NLRP9: variants seen among roughly 807,000 people sequenced by gnomAD.
NLRP9 encodes NACHT, LRR and PYD domains-containing protein 9.
A neutral mutation model predicts 83.1 loss-of-function variants in NLRP9; 88 were observed. The observed-to-expected ratio is 1.06, with a 90% CI of 0.89 to 1.26. NLRP9 has a LOEUF of 1.26. Among genes scored for constraint, NLRP9 ranks in the 50% most tolerant of loss-of-function variants. The probability of loss-of-function intolerance (pLI) is 0.00; values close to 1 mark genes in which losing one functional copy is unlikely to be tolerated. For synonymous variants in NLRP9, 521 were observed against 447.6 expected, an observed-to-expected ratio of 1.16 and a Z score of -2.07; for missense variants, 1,308 against 1,179.3, an observed-to-expected ratio of 1.11 and a Z score of -1.60.
chr19:55,719,395 T>C (rs1443967145), intron 4 of NLRP9, among the ~76,000 whole-genome samples: 1 of 152,150 alleles, frequency 6.6e-6, no homozygotes. Flanking sequence ...TCAAGTGATC[T>C]GCCCGCCTCG....
At position 55,732,946 on chromosome 19, in the gene NLRP9, G is replaced by C. The variant is rs1280558150; in HGVS notation, c.885C>G (p.Leu295=). The C allele has an allele frequency of 6.2e-7, 1 of 1,614,144 alleles. No homozygotes were observed. Among genetic ancestry groups the C allele is most frequent in the Non-Finnish European group, 8.5e-7 (1 of 1,179,992 alleles). Residue 295 remains leucine (L), a synonymous_variant, in exon 2 of 9, where the codon CTC becomes CTG. Transcript: ENST00000332836. ...FMLRHPKLIK[L]LGFSESEKKS... ...TCTTTTCAGATTCACTGAATCCTAAGAGCTTTATGAGTTTTGGATGCCGCA... is the reference window on the plus strand; with the variant it reads ...TCTTTTCAGATTCACTGAATCCTAACAGCTTTATGAGTTTTGGATGCCGCA...
chr19:55,734,801 AT>A (rs1988742689), intron 1 of NLRP9, among the ~76,000 whole-genome samples: 1 of 151,476 alleles, frequency 6.6e-6, no homozygotes, highest in Non-Finnish European at 1.5e-5. Context: ...CGCCCAGCTA[AT>A]TTTTGTATTT....
chr19:55,710,579 A>G (rs1987670679), intron 8 of NLRP9, among the ~76,000 whole-genome samples: 1 of 152,022 alleles, frequency 6.6e-6, no homozygotes, highest in Non-Finnish European at 1.5e-5. Flanking sequence ...TGCTGTTCTC[A>G]TGATAGAGTT....
In NLRP9 at chr19:55,729,882, G is replaced by T. The variant is rs199728358; in HGVS notation, c.1943C>A (p.Ala648Glu). Residue 648 changes from alanine (A) to glutamate (E), a missense_variant, in exon 3 of 9, where the codon GCG becomes GAG. By Grantham distance (107) the Ala-to-Glu change is moderately radical. Transcript: ENST00000332836. ...CTGAGCCAGCGCTTTGCAAAGAATCGCCAGGGAGGGATCATCGAGGCTGGT... is the reference window on the plus strand; with the variant it reads ...CTGAGCCAGCGCTTTGCAAAGAATCTCCAGGGAGGGATCATCGAGGCTGGT... ...ENTSLDDPSL[A>E]ILCKALAQPV... 5.0e-6 allele frequency: 8 copies of T among 1,613,710 alleles called. No individual in the cohort carries two copies. The highest frequency in any genetic ancestry group is 6.8e-6 in the Non-Finnish European group (8 of 1,179,668).
chr19:55,732,119 T>C lies in NLRP9; in HGVS notation c.1712A>G (p.Tyr571Cys), dbSNP rs1222247496. 9 of 1,612,802 alleles carry C rather than the reference T, an allele frequency of 5.6e-6. No individual in the cohort carries two copies. The Admixed American group carries it at 1.3e-4, about 24-fold the overall frequency. The change falls in exon 2 of 9, where the codon TAT (tyrosine) becomes TGT (cysteine). Residue 571 changes from tyrosine (Y) to cysteine (C), a missense_variant. Transcript: ENST00000332836. ...TACCAAATGTTCTATGTTACCAATATAAATGAAAACTTCTTCAAAGAAATT... is the reference window on the plus strand; with the variant it reads ...TACCAAATGTTCTATGTTACCAATACAAATGAAAACTTCTTCAAAGAAATT... ...VMNFFEEVFI[Y>C]IGNIEHLVIA...
chr19:55,711,738 A>G (rs1987735463), intron 8 of NLRP9, 62 bp downstream of exon 8: 1 of 1,527,076 alleles, frequency 6.5e-7, no homozygotes, highest in Non-Finnish European at 9.0e-7. Flanking sequence ...GGTTGAGCAA[A>G]TGGCCAATGA....
chr19:55,729,977 G>A lies in NLRP9; in HGVS notation c.1848C>T (p.Leu616=), dbSNP rs376696951. ...SGCISDYNEK[L]VYWRELCSMF... is the part of the protein sequence containing the mutation. ...TTGAGCAAAGCTCCCGCCAGTAGAC[G>A]AGCTTCTCATTGTAACTATGAGAGA... Residue 616 remains leucine (L), a synonymous_variant, in exon 3 of 9, where the codon CTC becomes CTT. Transcript: ENST00000332836. 7 of 1,612,714 alleles carry A rather than the reference G, an allele frequency of 4.3e-6. No homozygotes were observed. The African/African-American group carries it at 6.7e-5, about 15-fold the overall frequency.
At chr19:55,736,559 A>C (rs1263668471) in intron 1 of NLRP9, among the ~76,000 whole-genome samples, 1 of 151,994 alleles carries the variant, frequency 6.6e-6, no homozygotes, top group African/African-American at 2.4e-5. Context: ...ACAGATAAAG[A>C]AAACTGGCAC....
intron 4 of NLRP9, among the ~76,000 whole-genome samples, chr19:55,720,569 A>G (rs564769611): frequency 2.0e-5 from 3 of 152,230 alleles, no homozygotes; most frequent in Admixed American, 6.5e-5. Flanking sequence ...GCCTCAAACA[A>G]TCCTCCTGCC....
In NLRP9 at chr19:55,732,852, T is replaced by C. The variant is rs1308691883; in HGVS notation, c.979A>G (p.Asn327Asp). Residue 327 changes from asparagine to aspartate, a missense_variant, in exon 2 of 9, where the codon AAT (asparagine) becomes GAT (aspartate). By Grantham distance (23) the Asn-to-Asp change is conservative (BLOSUM62 1). Coordinates refer to ENST00000332836, the MANE Select transcript of NLRP9 (RefSeq NM_176820.4). ...ALKVFNFVRD[N>D]GPLFILCHNP... The stretch of plus-strand genomic sequence containing the variant: ...TGGCACAAGATAAACAGCGGCCCAT[T>C]ATCTCTCACAAAATTGAAGACTTTC... The C allele has an allele frequency of 6.2e-7, 1 of 1,613,998 alleles. No homozygotes were observed. The highest frequency in any genetic ancestry group is 1.1e-5 in the South Asian group (1 of 91,078).
chr19:55,716,704 C>G, intron 5 of NLRP9, 24 bp downstream of exon 5: 3 of 1,604,658 alleles, frequency 1.9e-6, no homozygotes, highest in Non-Finnish European at 2.6e-6. Flanking sequence ...AATCTCCGAA[C>G]GTGCTTCCCG....
chr19:55,734,234 C>T (rs1472559447), intron 1 of NLRP9, among the ~76,000 whole-genome samples: 2 of 151,204 alleles, frequency 1.3e-5, no homozygotes, highest in African/African-American at 2.4e-5. Context: ...TCAACCAGTA[C>T]GTGCCTGTGG....
chr19:55,728,690 T>C (rs998918301), intron 3 of NLRP9, among the ~76,000 whole-genome samples: 13 of 152,224 alleles, frequency 8.5e-5, no homozygotes, highest in Non-Finnish European at 1.9e-4. Context: ...TGTTAACTTT[T>C]TTCTGCACAA....
chr19:55,734,864 A>G (rs1988744023), intron 1 of NLRP9, among the ~76,000 whole-genome samples: 1 of 151,844 alleles, frequency 6.6e-6, no homozygotes, highest in South Asian at 2.1e-4. Flanking sequence ...TGAACTCTTG[A>G]CCTCAGGTGA....
At chr19:55,726,305 A>C (rs1988401830) in intron 3 of NLRP9, among the ~76,000 whole-genome samples, 1 of 152,222 alleles carries the variant, frequency 6.6e-6, no homozygotes, top group Non-Finnish European at 1.5e-5. Flanking sequence ...CCTCATGGAA[A>C]AGGGGCAAAC....
intron 8 of NLRP9, chr19:55,711,379 C>T (rs1384381939): frequency 2.4e-6 from 3 of 1,240,422 alleles, no homozygotes; most frequent in African/African-American, 3.1e-5. Context: ...ACGTTAACTG[C>T]TGCCATTTGG....
intron 1 of NLRP9, chr19:55,737,240 G>T (rs371550588): frequency 2.0e-5 from 3 of 152,192 alleles, no homozygotes; most frequent in South Asian, 4.1e-4. Flanking sequence ...CCTTTCCTGG[G>T]TTGTGATAAG....
chr19:55,711,117 A>AAC (rs1219623432), intron 8 of NLRP9, among the ~76,000 whole-genome samples: 4 of 151,586 alleles, frequency 2.6e-5, no homozygotes, highest in African/African-American at 9.7e-5. Context: ...ACAAAAAAAA[A>AAC]ACCTTAAACA....
Position 55,708,791 on chromosome 19 carries a change from G to A in NLRP9, c.*121C>T, listed in dbSNP as rs1395409181. The A allele has an allele frequency of 3.1e-6, 2 of 640,858 alleles. No homozygotes were observed. Among genetic ancestry groups the A allele is most frequent in the East Asian group, 3.0e-5 (1 of 33,400 alleles). The allele number at this position is 640,858 out of a possible 1,614,324, so 39.7% of individuals were successfully genotyped here. On this transcript the variant is annotated 3_prime_UTR_variant, in exon 9 of 9. Transcript: ENST00000332836. ...ATCATATTGCTAGAACACTTAGGGA[G>A]TACCTCTGAAATCACAGCCCTGCTG...
Sources: allele counts gnomAD v4.1 joint callset (sites outside exome capture counted in the v4.1 genomes callset), GRCh38; gene constraint gnomAD v4.1.1; transcripts MANE v1.5; gene names NCBI Gene and HGNC (gene_info 2026-07-23, HGNC 2026-07-21).